The following FHIT variants were observed in gnomAD, a reference collection of about 807,000 sequenced individuals.
FHIT encodes bis(5'-adenosyl)-triphosphatase.
In FHIT, 19 loss-of-function variants were observed where a neutral mutation model predicts 17.9. The observed-to-expected ratio is 1.06, with a 90% CI of 0.74 to 1.56. The LOEUF is 1.56. Ranked by LOEUF, FHIT falls within the 40% of genes most tolerant of loss-of-function variation. The pLI is 0.00. For synonymous variants in FHIT, 81 were observed against 69.7 expected (o/e 1.16, Z -0.81); for missense variants, 248 against 189.2 (o/e 1.31, Z -1.82).
chr3:60,849,908 C>A (rs1703082054), intron 3 of FHIT, among the ~76,000 whole-genome samples: 2 of 152,076 alleles, frequency 1.3e-5, no homozygotes, highest in South Asian at 2.1e-4. Flanking sequence ...ACTTCCCCCA[C>A]TTCTACTTCT....
intron 5 of FHIT, among the ~76,000 whole-genome samples, chr3:60,084,796 A>C (rs1703429481): frequency 6.6e-6 from 1 of 152,180 alleles, no homozygotes; most frequent in Non-Finnish European, 1.5e-5. Flanking sequence ...TTGAAATTCA[A>C]TGAAACAAGG....
chr3:59,950,286 G>A (rs377282320), intron 7 of FHIT, among the ~76,000 whole-genome samples: 2 of 152,226 alleles, frequency 1.3e-5, no homozygotes, highest in African/African-American at 4.8e-5. Flanking sequence ...AAAAACAATT[G>A]CCATTAAACA....
rs376177234 is a variant in FHIT at position 60,372,098 on chromosome 3, T to C, written c.103+164762A>G. Among the ~76,000 whole-genome samples, 7 of 152,296 alleles carry C rather than the reference T, an allele frequency of 4.6e-5. No homozygotes were observed. The South Asian group carries it at 1.5e-3, about 32-fold the overall frequency. ...GGCGGTATCTCCAGAATGGCTTAAA[T>C]GCATCATGTACTTTTACCCAAATGG... On this transcript the variant is annotated intron_variant, in intron 5 of 9. Coordinates refer to ENST00000492590, the MANE Select transcript of FHIT (RefSeq NM_002012.4).
chr3:59,986,730 A>AT (rs1491097123), intron 7 of FHIT, among the ~76,000 whole-genome samples: 2 of 14,118 alleles, frequency 1.4e-4, no homozygotes, highest in Non-Finnish European at 1.8e-4. Flanking sequence ...ATATTTATAT[A>AT]AATATATACA....
intron 5 of FHIT, among the ~76,000 whole-genome samples, chr3:60,413,385 C>A (rs1031647312): frequency 2.0e-5 from 3 of 152,042 alleles, no homozygotes; most frequent in Non-Finnish European, 4.4e-5. Context: ...AGGCAGAGAA[C>A]CATGCAACGA....
chr3:59,925,453 C>CGAGT (rs1705610208), intron 7 of FHIT, among the ~76,000 whole-genome samples: 1 of 152,108 alleles, frequency 6.6e-6, no homozygotes, highest in South Asian at 2.1e-4. Context: ...GCACTCTGAC[C>CGAGT]ACTCTCCTTG....
At chr3:60,253,315 T>C (rs1705822613) in intron 5 of FHIT, among the ~76,000 whole-genome samples, 1 of 152,052 alleles carries the variant, frequency 6.6e-6, no homozygotes, top group Admixed American at 6.6e-5. Flanking sequence ...AAGGAGAAAA[T>C]ATATGGATGG....
chr3:60,648,750 A>G (rs75165113), intron 4 of FHIT, among the ~76,000 whole-genome samples: 277 of 152,360 alleles, frequency 1.8e-3, no homozygotes, highest in Non-Finnish European at 3.4e-3. Context: ...GGAGCGAGTC[A>G]GAACTCCCAC....
chr3:61,072,106 C>T (rs548604358), intron 2 of FHIT, among the ~76,000 whole-genome samples: 1 of 152,210 alleles, frequency 6.6e-6, no homozygotes, highest in South Asian at 2.1e-4. Context: ...AGCTCTATGA[C>T]CATGGGTAAG....
At chr3:60,118,123 T>G (rs1279031910) in intron 5 of FHIT, among the ~76,000 whole-genome samples, 1 of 152,182 alleles carries the variant, frequency 6.6e-6, no homozygotes, top group Non-Finnish European at 1.5e-5. Context: ...TCTTATTTTT[T>G]AGAGACAGGG....
At chr3:59,889,417 C>A (rs951081127) in intron 8 of FHIT, among the ~76,000 whole-genome samples, 2 of 152,232 alleles carry the variant, frequency 1.3e-5, no homozygotes, top group Non-Finnish European at 2.9e-5. Context: ...AGCACACGTA[C>A]CACAGGCCAT....
Position 61,059,844 on chromosome 3 carries a change from TGG to T in FHIT, c.-163-17747_-163-17746del, listed in dbSNP as rs1032295998. ...CGACAGAAAATAAATTGATTCCCAG[TGG>T]GGCCCCTGTCTATGTAGGGTCTGAA... On this transcript the variant is annotated intron_variant, in intron 2 of 9. Transcript: ENST00000492590. Among the ~76,000 whole-genome samples the T allele has an allele frequency of 1.4e-4, 21 of 152,360 alleles. 1 individual carries two copies. The highest frequency in any genetic ancestry group is 4.8e-4 in the African/African-American group (20 of 41,582).
chr3:61,211,481 T>A (rs1374498980), intron 1 of FHIT, among the ~76,000 whole-genome samples: 1 of 152,136 alleles, frequency 6.6e-6, no homozygotes, highest in Non-Finnish European at 1.5e-5. Flanking sequence ...CAGGCTTGCT[T>A]AGGTAAACAA....
At chr3:60,198,674 A>G (rs910510403) in intron 5 of FHIT, among the ~76,000 whole-genome samples, 4 of 152,162 alleles carry the variant, frequency 2.6e-5, no homozygotes, top group African/African-American at 4.8e-5. Context: ...CCGTCAACTT[A>G]TGGTTATGAG....
chr3:60,342,397 A>G (rs1255606564), intron 5 of FHIT, among the ~76,000 whole-genome samples: 1 of 152,216 alleles, frequency 6.6e-6, no homozygotes, highest in Non-Finnish European at 1.5e-5. Context: ...AGGTTTATGA[A>G]TGTTTTGTGT....
At chr3:60,200,660 T>C (rs1303989120) in intron 5 of FHIT, among the ~76,000 whole-genome samples, 1 of 116,724 alleles carries the variant, frequency 8.6e-6, no homozygotes, top group Non-Finnish European at 1.9e-5. Flanking sequence ...ATCCCTTTGT[T>C]GCTTTTGGGG....
chr3:60,113,201 A>G (rs1311985551), intron 5 of FHIT, among the ~76,000 whole-genome samples: 1 of 152,164 alleles, frequency 6.6e-6, no homozygotes, highest in Non-Finnish European at 1.5e-5. Flanking sequence ...TTCCCTACTA[A>G]GACGCAAGCT....
At position 60,095,351 on chromosome 3, in the gene FHIT, A is replaced by C. The variant is rs55816285; in HGVS notation, c.104-81199T>G. The stretch of plus-strand genomic sequence containing the variant: ...TCCCACACATTGGAAGGTTTTACCA[A>C]ACCTTCTCTATTTATTCTAAGTGCT... On this transcript the variant is annotated intron_variant, in intron 5 of 9. Transcript: ENST00000492590. Among the ~76,000 whole-genome samples, 1,466 of 152,314 alleles carry C rather than the reference A, an allele frequency of 9.6e-3. 25 individuals carry two copies. Among genetic ancestry groups the C allele is most frequent in the African/African-American group, 0.033 (1,386 of 41,566 alleles).
At position 59,749,183 on chromosome 3, in the gene FHIT, TTTTTTGAAAA is replaced by T. The variant is rs1319007495; in HGVS notation, c.*392_*401del. The T allele has an allele frequency of 4.4e-6, 1 of 229,826 alleles. No homozygotes were observed. The highest frequency in any genetic ancestry group is 6.2e-5 in the East Asian group (1 of 16,192). The allele number at this position is 229,826 out of a possible 1,614,324, so 14.2% of individuals were successfully genotyped here. A position where few individuals can be genotyped will look rare whatever the true frequency, so the allele number is the denominator to read the frequency against. ...TATAAAAATTCAATATGTAGACATT[TTTTTTGAAAA>T]GGGAAGAAATAAGCAGGTGGACCAA... On this transcript the variant is annotated 3_prime_UTR_variant, in exon 10 of 10. Transcript: ENST00000492590.
Sources: allele counts gnomAD v4.1 joint callset (sites outside exome capture counted in the v4.1 genomes callset), GRCh38; gene constraint gnomAD v4.1.1; transcripts MANE v1.5; gene names NCBI Gene and HGNC (gene_info 2026-07-23, HGNC 2026-07-21).